STX8: variants seen among roughly 807,000 people sequenced by gnomAD.
The protein encoded by STX8 is syntaxin-8.
STX8 carries 23 observed loss-of-function variants against 37.5 expected under a neutral mutation model. That is an observed-to-expected ratio of 0.61 (90% CI 0.44 to 0.87). The LOEUF is 0.87. STX8 is among the 40% of genes least tolerant of loss of function. The pLI is 0.00. For synonymous variants in STX8, 115 were observed against 99.1 expected, an observed-to-expected ratio of 1.16 and a Z score of -0.95; for missense variants, 313 against 284.7, an observed-to-expected ratio of 1.10 and a Z score of -0.71.
At chr17:9,359,080 T>C (rs867021394) in intron 7 of STX8, among the ~76,000 whole-genome samples, 47 of 151,936 alleles carry the variant, frequency 3.1e-4, no homozygotes, top group African/African-American at 1.1e-3. Flanking sequence ...TTTGCTCTTG[T>C]TGCCCAGGCT....
intron 7 of STX8, among the ~76,000 whole-genome samples, chr17:9,315,989 TGG>T (rs1010189596): frequency 1.3e-5 from 2 of 149,924 alleles, no homozygotes; most frequent in African/African-American, 5.0e-5. Context: ...CACTCCAGCC[TGG>T]GTGATAGAGT....
At chr17:9,274,537 G>A (rs943722591) in intron 7 of STX8, among the ~76,000 whole-genome samples, 2 of 150,912 alleles carry the variant, frequency 1.3e-5, no homozygotes, top group Admixed American at 6.6e-5. Flanking sequence ...TTAACCGGGC[G>A]TGTTGGTGGG....
In STX8 at chr17:9,545,450, C is replaced by T. The variant is rs141798724; in HGVS notation, c.213-168G>A. 2.8e-3 allele frequency among the ~76,000 whole-genome samples: 424 copies of T among 152,334 alleles called. 3 individuals carry two copies. Among genetic ancestry groups the T allele is most frequent in the Non-Finnish European group, 2.4e-3 (162 of 68,030 alleles). Reference sequence around the variant, plus strand: ...TTTTTCCTGCTCTGACCTTCACCTTCACCAGGCCGTCAGGTAAAGGACCTT... The same window carrying T: ...TTTTTCCTGCTCTGACCTTCACCTTTACCAGGCCGTCAGGTAAAGGACCTT... On this transcript the variant is annotated intron_variant, in intron 3 of 7. Coordinates refer to ENST00000306357, the MANE Select transcript of STX8 (RefSeq NM_004853.3).
At position 9,472,947 on chromosome 17, in the gene STX8, G is replaced by C. The variant is rs564698174; in HGVS notation, c.541+18882C>G. On this transcript the variant is annotated intron_variant, in intron 6 of 7. Transcript: ENST00000306357. Reference sequence around the variant, plus strand: ...GGAACTAGGGCAGAAGCAGCAAAAGGTCCTTGTGACTCAAAGCTGGCCAAA... The same window carrying C: ...GGAACTAGGGCAGAAGCAGCAAAAGCTCCTTGTGACTCAAAGCTGGCCAAA... 6.6e-5 allele frequency among the ~76,000 whole-genome samples: 10 copies of C among 152,304 alleles called. No homozygotes were observed. The South Asian group carries it at 2.1e-3, about 32-fold the overall frequency.
At chr17:9,380,436 T>A (rs1020467489) in intron 6 of STX8, among the ~76,000 whole-genome samples, 1 of 151,898 alleles carries the variant, frequency 6.6e-6, no homozygotes, top group Admixed American at 6.6e-5. Context: ...AAATTTTTTG[T>A]AGAGACCAGG....
chr17:9,260,287 C>T (rs529917503), intron 7 of STX8, among the ~76,000 whole-genome samples: 2 of 152,132 alleles, frequency 1.3e-5, no homozygotes, highest in South Asian at 4.2e-4. Context: ...TGCACCACTG[C>T]ACCTCAGCCT....
intron 6 of STX8, among the ~76,000 whole-genome samples, chr17:9,410,710 G>A (rs773983068): frequency 7.4e-4 from 112 of 152,128 alleles, no homozygotes; most frequent in Non-Finnish European, 1.3e-3. Context: ...TAATGTTTAC[G>A]TTTCAACTTG....
chr17:9,426,726 C>T (rs1021661559), intron 6 of STX8, among the ~76,000 whole-genome samples: 1 of 152,056 alleles, frequency 6.6e-6, no homozygotes, highest in Non-Finnish European at 1.5e-5. Flanking sequence ...TGAACCACTG[C>T]ACTCCAGCCT....
intron 6 of STX8, among the ~76,000 whole-genome samples, chr17:9,450,445 T>C (rs896032416): frequency 6.6e-6 from 1 of 151,866 alleles, no homozygotes; most frequent in Admixed American, 6.6e-5. Flanking sequence ...GCTGTAATGA[T>C]AGACATTCCT....
chr17:9,312,344 G>C (rs1025746799), intron 7 of STX8, among the ~76,000 whole-genome samples: 3 of 152,048 alleles, frequency 2.0e-5, no homozygotes, highest in African/African-American at 7.2e-5. Context: ...TGGGATTACA[G>C]GCATGCGCCA....
At chr17:9,494,740 A>G (rs1251491789) in intron 5 of STX8, among the ~76,000 whole-genome samples, 1 of 152,048 alleles carries the variant, frequency 6.6e-6, no homozygotes. Context: ...TTAGTTTTTG[A>G]AAATTTAAAG....
chr17:9,411,585 C>A (rs1381452403), intron 6 of STX8, among the ~76,000 whole-genome samples: 2 of 152,180 alleles, frequency 1.3e-5, no homozygotes, highest in Non-Finnish European at 2.9e-5. Flanking sequence ...CCAAATTGCA[C>A]ATCGGAAAAT....
chr17:9,491,969 C>A, intron 5 of STX8, 48 bp from the exon 6 acceptor site: 1 of 1,412,420 alleles, frequency 7.1e-7, no homozygotes, highest in South Asian at 1.2e-5. Context: ...AAGAAAACAA[C>A]TTAAAGTCCA....
At chr17:9,560,640 T>C (rs1907194627) in intron 2 of STX8, among the ~76,000 whole-genome samples, 1 of 151,930 alleles carries the variant, frequency 6.6e-6, no homozygotes, top group Non-Finnish European at 1.5e-5. Context: ...ATTGTGAAAA[T>C]GTAAGTTTTC....
In STX8 at chr17:9,568,351, T is replaced by G. The variant is rs779214702; in HGVS notation, c.117+20A>C. ...AAAACTCAAACAAATCATTGGGTAC[T>G]AATTCCTTCATGGTATTACCTTTGG... is the stretch of plus-strand genomic sequence containing the variant. On this transcript the variant is annotated intron_variant, in intron 2 of 7. Transcript: ENST00000306357. The G allele has an allele frequency of 1.3e-6, 2 of 1,587,776 alleles. No homozygotes were observed. The highest frequency in any genetic ancestry group is 2.2e-5 in the East Asian group (1 of 44,752).
At chr17:9,313,357 A>G (rs796607307) in intron 7 of STX8, among the ~76,000 whole-genome samples, 1 of 152,174 alleles carries the variant, frequency 6.6e-6, no homozygotes, top group Admixed American at 6.5e-5. Context: ...TTTTTAAAAA[A>G]GGGAATTAGG....
At chr17:9,524,526 C>T (rs1402393999) in intron 4 of STX8, among the ~76,000 whole-genome samples, 1 of 152,128 alleles carries the variant, frequency 6.6e-6, no homozygotes, top group Non-Finnish European at 1.5e-5. Context: ...GGTCCCACCT[C>T]TTAATACTAT....
At chr17:9,497,437 GATGAA>G (rs1455557205) in intron 5 of STX8, among the ~76,000 whole-genome samples, 1 of 152,130 alleles carries the variant, frequency 6.6e-6, no homozygotes, top group African/African-American at 2.4e-5. Context: ...AATATCCACT[GATGAA>G]ATGATACGAT....
At chr17:9,268,483 C>A (rs1207448732) in intron 7 of STX8, among the ~76,000 whole-genome samples, 2 of 152,168 alleles carry the variant, frequency 1.3e-5, no homozygotes, top group East Asian at 3.8e-4. Context: ...CTCTGCAGTG[C>A]AAGAGCCTGT....
Sources: allele counts gnomAD v4.1 joint callset (sites outside exome capture counted in the v4.1 genomes callset), GRCh38; gene constraint gnomAD v4.1.1; transcripts MANE v1.5; gene names NCBI Gene and HGNC (gene_info 2026-07-23, HGNC 2026-07-21).